The following PDE1A variants were observed in gnomAD, a reference collection of about 807,000 sequenced individuals.
The protein encoded by PDE1A is phosphodiesterase 1A, also known as dual specificity calcium/calmodulin-dependent 3',5'-cyclic nucleotide phosphodiesterase 1A.
Under a neutral mutation model 61.7 loss-of-function variants are expected in PDE1A, and 35 were observed. The ratio of observed to expected loss-of-function variants is 0.57; its 90% CI spans 0.43 to 0.75. PDE1A has a LOEUF of 0.75. PDE1A is among the 30% of genes least tolerant of loss of function. The pLI is 0.00. For synonymous variants in PDE1A, 232 were observed against 213.2 expected (o/e 1.09, Z -0.77); for missense variants, 597 against 630.6 (o/e 0.95, Z 0.57).
chr2:182,433,660 C>T (rs1227096690), intron 2 of PDE1A, among the ~76,000 whole-genome samples: 1 of 152,094 alleles, frequency 6.6e-6, no homozygotes, highest in African/African-American at 2.4e-5. Context: ...TAGACAAATA[C>T]ATTATCACTA....
intron 1 of PDE1A, among the ~76,000 whole-genome samples, chr2:182,303,311 G>C (rs1695364543): frequency 6.6e-6 from 1 of 152,240 alleles, no homozygotes; most frequent in African/African-American, 2.4e-5. Context: ...CTGCAGAATG[G>C]ACGTTTTGTT....
chr2:182,169,609 A>G (rs977623162), intron 13 of PDE1A, among the ~76,000 whole-genome samples: 1 of 152,040 alleles, frequency 6.6e-6, no homozygotes, highest in Non-Finnish European at 1.5e-5. Context: ...TCTGGAAATA[A>G]CTTCTAATAT....
intron 1 of PDE1A, among the ~76,000 whole-genome samples, chr2:182,281,892 T>G (rs1454784294): frequency 1.3e-5 from 2 of 151,816 alleles, no homozygotes; most frequent in Non-Finnish European, 2.9e-5. Context: ...TTAAGAAATT[T>G]TAGAAAAATA....
the PDE1A span, among the ~76,000 whole-genome samples, chr2:182,654,759 T>TTG: frequency 6.6e-6 from 1 of 152,202 alleles, no homozygotes; most frequent in Admixed American, 6.5e-5. Context: ...CAGATCTCTC[T>TTG]AGCTCAGTCT....
chr2:182,352,884 G>C (rs1698970137), intron 1 of PDE1A, among the ~76,000 whole-genome samples: 1 of 151,682 alleles, frequency 6.6e-6, no homozygotes, highest in Non-Finnish European at 1.5e-5. Context: ...CTGAGAACTT[G>C]AAAATCATTA....
At chr2:182,156,294 T>C (rs1370075724) in intron 13 of PDE1A, among the ~76,000 whole-genome samples, 2 of 152,062 alleles carry the variant, frequency 1.3e-5, no homozygotes, top group Non-Finnish European at 2.9e-5. Context: ...AAATGCTTAC[T>C]GTGTACCAAG....
chr2:182,267,019 G>C (rs917253299), intron 1 of PDE1A, among the ~76,000 whole-genome samples: 3 of 152,094 alleles, frequency 2.0e-5, no homozygotes, highest in Non-Finnish European at 4.4e-5. Context: ...TAAATGAATA[G>C]AGAATGAAGC....
chr2:182,517,723 C>G (rs1357098357), intron 2 of PDE1A, among the ~76,000 whole-genome samples: 1 of 152,196 alleles, frequency 6.6e-6, no homozygotes, highest in African/African-American at 2.4e-5. Flanking sequence ...ACATTTTTAA[C>G]AGGATATCTA....
the PDE1A span, among the ~76,000 whole-genome samples, chr2:182,552,928 G>A: frequency 3.9e-5 from 6 of 152,176 alleles, no homozygotes; most frequent in Admixed American, 2.6e-4. Context: ...TGCCGCCCTC[G>A]CAGACCCGCT....
chr2:182,589,426 C>T, the PDE1A span, among the ~76,000 whole-genome samples: 1 of 151,790 alleles, frequency 6.6e-6, no homozygotes, highest in African/African-American at 2.4e-5. Flanking sequence ...AGATCAAATC[C>T]AATCTGAATG....
chr2:182,330,524 C>T (rs754760588), intron 1 of PDE1A, among the ~76,000 whole-genome samples: 28 of 152,082 alleles, frequency 1.8e-4, no homozygotes, highest in Non-Finnish European at 3.7e-4. Flanking sequence ...AAGAAACACA[C>T]ATAAATGACC....
intron 2 of PDE1A, among the ~76,000 whole-genome samples, chr2:182,516,313 ACT>A (rs1474211427): frequency 1.3e-5 from 2 of 151,680 alleles, no homozygotes; most frequent in Non-Finnish European, 2.9e-5. Context: ...AGTCCTTGTC[ACT>A]CACTCCTACT....
intron 1 of PDE1A, among the ~76,000 whole-genome samples, chr2:182,375,651 T>C (rs1303844998): frequency 6.6e-6 from 1 of 152,182 alleles, no homozygotes; most frequent in Non-Finnish European, 1.5e-5. Context: ...TGGAAGATGG[T>C]GGCCCTCTTC....
chr2:182,633,113 G>T, the PDE1A span, among the ~76,000 whole-genome samples: 17,728 of 152,126 alleles, frequency 0.12, 1,332 homozygotes, highest in African/African-American at 0.21. Flanking sequence ...ATGGCATGAT[G>T]AATGGATTTA....
the PDE1A span, among the ~76,000 whole-genome samples, chr2:182,534,045 A>G: frequency 2.0e-5 from 3 of 152,074 alleles, no homozygotes; most frequent in Non-Finnish European, 2.9e-5. Context: ...CAAAAAATGC[A>G]AAGTAAAAAA....
intron 2 of PDE1A, among the ~76,000 whole-genome samples, chr2:182,507,909 A>C (rs1001333176): frequency 6.6e-5 from 10 of 152,194 alleles, no homozygotes; most frequent in Admixed American, 6.5e-4. Flanking sequence ...ATGCTTGAAA[A>C]AAATACTGTG....
intron 10 of PDE1A, among the ~76,000 whole-genome samples, chr2:182,195,777 G>A (rs1406342971): frequency 1.3e-5 from 2 of 152,068 alleles, no homozygotes; most frequent in African/African-American, 2.4e-5. Flanking sequence ...AGAGCAGAAT[G>A]GTATCAGTAC....
chr2:182,565,224 G>A, the PDE1A span, among the ~76,000 whole-genome samples: 1 of 152,130 alleles, frequency 6.6e-6, no homozygotes, highest in Non-Finnish European at 1.5e-5. Flanking sequence ...CGTACAGATG[G>A]GTTTTTGGTG....
At chr2:182,338,551 G>A (rs1299580502) in intron 1 of PDE1A, among the ~76,000 whole-genome samples, 1 of 152,130 alleles carries the variant, frequency 6.6e-6, no homozygotes, top group African/African-American at 2.4e-5. Context: ...TTGAGACAGT[G>A]TCTCATTCTG....
Sources: gnomAD v4.1 joint callset for allele counts (sites outside exome capture counted in the v4.1 genomes callset) on GRCh38, gnomAD v4.1.1 for gene constraint, MANE v1.5 for transcripts, NCBI Gene and HGNC (gene_info 2026-07-23, HGNC 2026-07-21) for gene names.